Variants in ARHGAP8 observed in about 807,000 individuals in gnomAD.
ARHGAP8 encodes the protein Rho GTPase activating protein 8.
Under a neutral mutation model 46.1 loss-of-function variants are expected in ARHGAP8, and 62 were observed. That is an observed-to-expected ratio of 1.34 (90% CI 1.10 to 1.66). ARHGAP8 has a LOEUF of 1.66. ARHGAP8 is among the 40% of genes most tolerant of loss of function. ARHGAP8 has a pLI of 0.00. For synonymous variants in ARHGAP8, 375 were observed against 243.1 expected (o/e 1.54, Z -5.05); for missense variants, 923 against 568.4 (o/e 1.62, Z -6.34).
In ARHGAP8 at chr22:44,862,375, G is replaced by C. The variant is rs747174835; in HGVS notation, c.1082G>C (p.Ser361Thr). The stretch of plus-strand genomic sequence containing the variant: ...CCATCCCAGGGGGTCTCCTCCCTGA[G>C]TGCCCTTGTGCCCCTGAACATGTTC... Reference protein sequence around the residue: ...IWPSQGVSSLSALVPLNMFTE... With the variant: ...IWPSQGVSSLTALVPLNMFTE... The change falls in exon 12 of 12, where the codon AGT becomes ACT. Residue 361 changes from serine to threonine, a missense_variant. Transcript: ENST00000356099. 6.8e-5 allele frequency: 109 copies of C among 1,614,042 alleles called. 1 individual carries two copies. The highest frequency in any genetic ancestry group is 2.5e-4 in the South Asian group (23 of 91,078).
At chr22:44,847,560 G>A (rs531259487) in intron 8 of ARHGAP8, among the ~76,000 whole-genome samples, 1 of 152,356 alleles carries the variant, frequency 6.6e-6, no homozygotes, top group Middle Eastern at 3.4e-3. Context: ...GCTCTTGTGG[G>A]AAGTCACGTG....
At chr22:44,815,224 C>A (rs1265115438) in intron 5 of ARHGAP8, among the ~76,000 whole-genome samples, 1 of 152,204 alleles carries the variant, frequency 6.6e-6, no homozygotes, top group Non-Finnish European at 1.5e-5. Context: ...GGCAGTGCTC[C>A]ATTCTCCCAG....
At chr22:44,780,202 C>T (rs540022199) in intron 1 of ARHGAP8, among the ~76,000 whole-genome samples, 289 of 152,234 alleles carry the variant, frequency 1.9e-3, no homozygotes, top group Middle Eastern at 6.8e-3. Flanking sequence ...TATAAAAATA[C>T]ACTCAGTGGG....
chr22:44,813,698 T>C (rs113099986), intron 4 of ARHGAP8, among the ~76,000 whole-genome samples: 1 of 150,604 alleles, frequency 6.6e-6, no homozygotes, highest in African/African-American at 2.4e-5. Context: ...CCTACACATA[T>C]GTAGGTACAC....
At chr22:44,775,936 T>A (rs1253800717) in intron 1 of ARHGAP8, among the ~76,000 whole-genome samples, 12 of 152,204 alleles carry the variant, frequency 7.9e-5, no homozygotes, top group Admixed American at 7.2e-4. Flanking sequence ...GCTTGATGTT[T>A]CAACTCGAGC....
intron 7 of ARHGAP8, among the ~76,000 whole-genome samples, chr22:44,829,550 G>A (rs866729850): frequency 2.0e-5 from 3 of 152,306 alleles, no homozygotes; most frequent in Admixed American, 6.5e-5. Context: ...GTAAAAGTCC[G>A]GTCCTTAGCT....
At chr22:44,771,404 G>A (rs1402046438) in intron 1 of ARHGAP8, among the ~76,000 whole-genome samples, 3 of 151,558 alleles carry the variant, frequency 2.0e-5, no homozygotes, top group Non-Finnish European at 4.4e-5. Context: ...CCGCCACCAC[G>A]CCCAGCTAAT....
Position 44,799,376 on chromosome 22 carries a change from G to A in ARHGAP8, c.80-2701G>A, listed in dbSNP as rs1602191942. Among the ~76,000 whole-genome samples, 5 of 152,362 alleles carry A rather than the reference G, an allele frequency of 3.3e-5. No individual in the cohort carries two copies. The Middle Eastern group carries it at 0.014, about 415-fold the overall frequency. Reference sequence around the variant, plus strand: ...CAACGGCATGTCCACAGACCGGCCAGAGGGCATTGCGGATGCGGGGGGCAA... The same window carrying A: ...CAACGGCATGTCCACAGACCGGCCAAAGGGCATTGCGGATGCGGGGGGCAA... On this transcript the variant is annotated intron_variant, in intron 2 of 11. Transcript: ENST00000356099.
intron 3 of ARHGAP8, among the ~76,000 whole-genome samples, chr22:44,807,054 G>A (rs1444175260): frequency 1.3e-5 from 2 of 152,200 alleles, no homozygotes; most frequent in African/African-American, 4.8e-5. Context: ...AGCCTCTGCA[G>A]GTGGGCACAG....
chr22:44,796,579 A>G (rs998763104), intron 2 of ARHGAP8, among the ~76,000 whole-genome samples: 19 of 137,008 alleles, frequency 1.4e-4, no homozygotes, highest in African/African-American at 3.4e-4. Context: ...TGAAGCTTCA[A>G]TGGGGGCCCT....
chr22:44,776,452 C>A (rs1366564567), intron 1 of ARHGAP8, among the ~76,000 whole-genome samples: 5 of 144,574 alleles, frequency 3.5e-5, no homozygotes, highest in African/African-American at 5.0e-5. Context: ...AACTCCGTCT[C>A]AAAAAAAAAG....
chr22:44,756,165 A>G (rs954529018), intron 1 of ARHGAP8, among the ~76,000 whole-genome samples: 2 of 152,118 alleles, frequency 1.3e-5, no homozygotes, highest in Non-Finnish European at 2.9e-5. Context: ...GTGACTGTCC[A>G]GAAGGAACTG....
At chr22:44,803,636 A>ACCTCCCATGCACACACCC in intron 3 of ARHGAP8, among the ~76,000 whole-genome samples, 1 of 48,050 alleles carries the variant, frequency 2.1e-5, no homozygotes, top group East Asian at 5.2e-4. Context: ...TGCAGACACC[A>ACCTCCCATGCACACACCC]CCTCCCATGC....
chr22:44,815,539 C>T (rs1019981627), intron 5 of ARHGAP8, among the ~76,000 whole-genome samples: 5 of 152,128 alleles, frequency 3.3e-5, no homozygotes, highest in Admixed American at 1.3e-4. Context: ...TCACCCATGG[C>T]CAGCCTTCTC....
chr22:44,781,191 G>A (rs1926822029), intron 1 of ARHGAP8, among the ~76,000 whole-genome samples: 1 of 152,164 alleles, frequency 6.6e-6, no homozygotes, highest in Non-Finnish European at 1.5e-5. Flanking sequence ...TCTGCATCTA[G>A]CATCAGCATT....
intron 7 of ARHGAP8, among the ~76,000 whole-genome samples, chr22:44,834,984 T>A (rs1569170117): frequency 6.6e-6 from 1 of 152,146 alleles, no homozygotes; most frequent in Non-Finnish European, 1.5e-5. Context: ...TTCAACCTAT[T>A]TGTGTCTTTG....
chr22:44,814,610 T>C lies in ARHGAP8; in HGVS notation c.300-62T>C. ...AGTGGAGGCAGCTGTTTCAGGGTTA[T>C]TGGGCGTGGGGTGTTTCTCGGAGCG... On this transcript the variant is annotated intron_variant, in intron 4 of 11. Transcript: ENST00000356099. 4 of 1,464,856 alleles carry C rather than the reference T, an allele frequency of 2.7e-6. No individual in the cohort carries two copies. The South Asian group carries it at 3.5e-5, about 13-fold the overall frequency. The allele number at this position is 1,464,856 out of a possible 1,614,324, so 90.7% of individuals were successfully genotyped here. A position where few individuals can be genotyped will look rare whatever the true frequency, so the allele number is the denominator to read the frequency against.
In ARHGAP8 at chr22:44,825,569, A is replaced by G; in HGVS notation, c.572A>G (p.Gln191Arg). The G allele has an allele frequency of 3.1e-6, 5 of 1,612,870 alleles. No individual in the cohort carries two copies. The highest frequency in any genetic ancestry group is 1.3e-5 in the African/African-American group (1 of 74,824). The change falls in exon 7 of 12, where the codon CAG becomes CGG. Residue 191 changes from glutamine to arginine, a missense_variant. Physicochemically the swap from Gln to Arg is conservative, Grantham distance 43 (BLOSUM62 1). Transcript: ENST00000356099. ...CCGCCGCGGCCCCCGCTGCCCACAC[A>G]GCAGTTTGGCGTCAGTCTGCAATAG... The part of the protein sequence containing the change: ...TPPPRPPLPT[Q>R]QFGVSLQYLK...
chr22:44,860,171 A>C lies in ARHGAP8; in HGVS notation c.981+337A>C, dbSNP rs1286950708. Among the ~76,000 whole-genome samples, 4 of 144,548 alleles carry C rather than the reference A, an allele frequency of 2.8e-5. No homozygotes were observed. In the East Asian group the frequency reaches 1.2e-3, roughly 43 times the overall value. The allele number at this position is 144,548 out of a possible 152,430, so 94.8% of individuals were successfully genotyped here. ...TCTCTAGGAGGTGGGAGCTGTGTCC[A>C]CCACTGGTACAGAGCCCAGTGGACT... On this transcript the variant is annotated intron_variant, in intron 11 of 11. Coordinates refer to ENST00000356099, the MANE Select transcript of ARHGAP8 (RefSeq NM_181335.3).
Sources: gnomAD v4.1 joint callset for allele counts (sites outside exome capture counted in the v4.1 genomes callset) on GRCh38, gnomAD v4.1.1 for gene constraint, MANE v1.5 for transcripts, NCBI Gene and HGNC (gene_info 2026-07-23, HGNC 2026-07-21) for gene names.